SNTG1: variants seen among roughly 807,000 people sequenced by gnomAD.
The protein encoded by SNTG1 is gamma-1-syntrophin.
SNTG1 carries 39 observed loss-of-function variants against 74.7 expected under a neutral mutation model. The observed-to-expected ratio is 0.52, with a 90% CI of 0.40 to 0.68. The LOEUF (loss-of-function observed/expected upper bound fraction) is 0.68, where lower values mean the gene tolerates loss of function less well. Among genes scored for constraint, SNTG1 ranks in the 30% least tolerant of loss-of-function variants. The probability of loss-of-function intolerance (pLI) is 0.00; values close to 1 mark genes in which losing one functional copy is unlikely to be tolerated. For synonymous variants in SNTG1, 254 were observed against 217.1 expected (o/e 1.17, Z -1.49); for missense variants, 685 against 609.5 (o/e 1.12, Z -1.30).
chr8:50,596,670 G>T (rs1345591251), intron 13 of SNTG1, among the ~76,000 whole-genome samples: 1 of 152,082 alleles, frequency 6.6e-6, no homozygotes, highest in South Asian at 2.1e-4. Context: ...ATACAAAACC[G>T]TCTTGAATAC....
At chr8:50,680,009 C>T (rs1187724974) in intron 15 of SNTG1, among the ~76,000 whole-genome samples, 1 of 152,114 alleles carries the variant, frequency 6.6e-6, no homozygotes, top group Non-Finnish European at 1.5e-5. Flanking sequence ...TGCATGGAAT[C>T]AAGAGCAGAA....
chr8:50,349,564 A>G (rs1208377158), intron 2 of SNTG1, among the ~76,000 whole-genome samples: 1 of 151,778 alleles, frequency 6.6e-6, no homozygotes, highest in Non-Finnish European at 1.5e-5. Flanking sequence ...CTGCACCTCT[A>G]TGTTATTCTT....
intron 15 of SNTG1, among the ~76,000 whole-genome samples, chr8:50,663,204 T>A (rs540877610): frequency 1.3e-5 from 2 of 152,262 alleles, no homozygotes; most frequent in East Asian, 3.9e-4. Flanking sequence ...GCAAACAAGT[T>A]TGTTACAGCT....
intron 1 of SNTG1, among the ~76,000 whole-genome samples, chr8:50,146,768 T>C (rs2081884713): frequency 6.6e-6 from 1 of 152,192 alleles, no homozygotes; most frequent in Non-Finnish European, 1.5e-5. Flanking sequence ...GGCCTTTCAA[T>C]GTAGTTTAAA....
At chr8:49,931,041 A>G (rs1472007794) in intron 1 of SNTG1, among the ~76,000 whole-genome samples, 1 of 152,238 alleles carries the variant, frequency 6.6e-6, no homozygotes, top group Non-Finnish European at 1.5e-5. Context: ...CTATTAAAAG[A>G]CTTTGCAATT....
chr8:50,425,789 A>G (rs2093156211), intron 4 of SNTG1, among the ~76,000 whole-genome samples: 1 of 152,186 alleles, frequency 6.6e-6, no homozygotes, highest in South Asian at 2.1e-4. Flanking sequence ...ATTATTGGTA[A>G]AAAATATTGG....
chr8:50,334,818 A>AT (rs965964235), intron 2 of SNTG1, among the ~76,000 whole-genome samples: 3 of 152,138 alleles, frequency 2.0e-5, no homozygotes, highest in African/African-American at 7.2e-5. Flanking sequence ...CTTAAAAGCC[A>AT]TTTTTCAAGG....
intron 13 of SNTG1, among the ~76,000 whole-genome samples, chr8:50,601,153 A>AG: frequency 2.8e-5 from 1 of 35,252 alleles, no homozygotes; most frequent in Non-Finnish European, 7.1e-5. Flanking sequence ...CCAGCGAGAC[A>AG]AAAAAAAAAA....
At chr8:50,244,980 T>TA (rs1239535099) in intron 2 of SNTG1, among the ~76,000 whole-genome samples, 1 of 152,204 alleles carries the variant, frequency 6.6e-6, no homozygotes, top group African/African-American at 2.4e-5. Flanking sequence ...TTAATATAAG[T>TA]AAATGCCATT....
chr8:50,258,054 C>G (rs1296578518), intron 2 of SNTG1, among the ~76,000 whole-genome samples: 1 of 152,222 alleles, frequency 6.6e-6, no homozygotes, highest in African/African-American at 2.4e-5. Flanking sequence ...TCCTCTGAGT[C>G]TGCACATGCA....
intron 15 of SNTG1, among the ~76,000 whole-genome samples, chr8:50,702,393 C>T (rs1171168043): frequency 2.0e-5 from 3 of 152,134 alleles, no homozygotes; most frequent in Non-Finnish European, 4.4e-5. Flanking sequence ...TGAGCATCTA[C>T]TGGCAGCAAG....
intron 9 of SNTG1, among the ~76,000 whole-genome samples, chr8:50,517,384 A>G (rs1028058425): frequency 6.6e-6 from 1 of 152,074 alleles, no homozygotes; most frequent in African/African-American, 2.4e-5. Flanking sequence ...CAAGCTGTCA[A>G]ATAACAGGCA....
intron 1 of SNTG1, among the ~76,000 whole-genome samples, chr8:50,053,115 A>G (rs147714606): frequency 1.3e-5 from 2 of 152,298 alleles, no homozygotes; most frequent in African/African-American, 2.4e-5. Flanking sequence ...CATTAACAGA[A>G]ATGCTTTTAC....
rs529774904 is a variant in SNTG1, at chr8:50,124,465, A to G, written c.-102-48096A>G. The stretch of plus-strand genomic sequence containing the variant: ...TCATTGTTCAGAAATTTTTTAATAG[A>G]CTGTGTAAAATAGTATTTGTCTGAT... On this transcript the variant is annotated intron_variant, in intron 1 of 18. Transcript: ENST00000642720. 4.2e-5 allele frequency among the ~76,000 whole-genome samples: 6 copies of G among 142,474 alleles called. 1 individual carries two copies. Among genetic ancestry groups the G allele is most frequent in the African/African-American group, 1.5e-4 (6 of 39,444 alleles). 93.5% of individuals were successfully genotyped at this position (142,474 alleles called of 152,430 possible).
chr8:50,010,683 C>T (rs1199877724), intron 1 of SNTG1, among the ~76,000 whole-genome samples: 1 of 151,296 alleles, frequency 6.6e-6, no homozygotes, highest in Non-Finnish European at 1.5e-5. Flanking sequence ...AAAATTCTTA[C>T]TAAAAACATC....
At chr8:50,362,536 A>G (rs567173703) in intron 2 of SNTG1, among the ~76,000 whole-genome samples, 1 of 152,104 alleles carries the variant, frequency 6.6e-6, no homozygotes, top group South Asian at 2.1e-4. Context: ...TACTAAAAAT[A>G]TATAGGAATG....
At chr8:50,359,690 T>C (rs534857917) in intron 2 of SNTG1, among the ~76,000 whole-genome samples, 1 of 152,316 alleles carries the variant, frequency 6.6e-6, no homozygotes, top group African/African-American at 2.4e-5. Context: ...TCTAGTTGTC[T>C]ATCAGCTTCT....
intron 12 of SNTG1, among the ~76,000 whole-genome samples, chr8:50,575,359 T>C (rs1184390816): frequency 6.6e-6 from 1 of 152,226 alleles, no homozygotes; most frequent in East Asian, 1.9e-4. Context: ...CAAACACACC[T>C]ACTTCTAAAA....
At chr8:50,620,484 C>T (rs918493798) in intron 13 of SNTG1, among the ~76,000 whole-genome samples, 1 of 152,158 alleles carries the variant, frequency 6.6e-6, no homozygotes, top group African/African-American at 2.4e-5. Context: ...GTTTGGGAGA[C>T]AGGCATGTGT....
Sources: allele counts gnomAD v4.1 joint callset (sites outside exome capture counted in the v4.1 genomes callset), GRCh38; gene constraint gnomAD v4.1.1; transcripts MANE v1.5; gene names NCBI Gene and HGNC (gene_info 2026-07-23, HGNC 2026-07-21).